Variants in ATPSCKMT observed in about 807,000 individuals in gnomAD.
The protein encoded by ATPSCKMT is ATP synthase c subunit lysine N-methyltransferase, also known as ATP synthase subunit C lysine N-methyltransferase.
In ATPSCKMT, 24 loss-of-function variants were observed where a neutral mutation model predicts 24.3. The ratio of observed to expected loss-of-function variants is 0.99; its 90% CI spans 0.71 to 1.39. The LOEUF is 1.39. Among genes scored for constraint, ATPSCKMT ranks in the 40% most tolerant of loss-of-function variants. The pLI is 0.00. For missense variants in ATPSCKMT, 311 were observed against 298.4 expected (o/e 1.04, Z -0.31); for synonymous variants, 95 against 110.5 (o/e 0.86, Z 0.88).
At chr5:10,239,679 G>A (rs2607321) in intron 1 of ATPSCKMT, among the ~76,000 whole-genome samples, 140,418 of 152,264 alleles carry the variant, frequency 0.92, 64,974 homozygotes, top group Middle Eastern at 0.99. Flanking sequence ...ATCCATTAGT[G>A]CAAGTTTTAA....
At chr5:10,227,961 C>T (rs901018584) in intron 4 of ATPSCKMT, among the ~76,000 whole-genome samples, 5 of 152,124 alleles carry the variant, frequency 3.3e-5, no homozygotes, top group African/African-American at 9.7e-5. Flanking sequence ...TTTTAAATAA[C>T]GCACTTCAAC....
At chr5:10,237,896 A>G (rs1744446354) in intron 2 of ATPSCKMT, among the ~76,000 whole-genome samples, 1 of 152,026 alleles carries the variant, frequency 6.6e-6, no homozygotes, top group South Asian at 2.1e-4. Flanking sequence ...ACACGCGTGC[A>G]CCATCATGCC....
At chr5:10,229,696 A>G (rs1744035795) in intron 4 of ATPSCKMT, among the ~76,000 whole-genome samples, 1 of 152,218 alleles carries the variant, frequency 6.6e-6, no homozygotes, top group Admixed American at 6.5e-5. Flanking sequence ...CGTAAGGAAC[A>G]GCTTTCCCCT....
chr5:10,246,861 A>G (rs571122296), intron 1 of ATPSCKMT, among the ~76,000 whole-genome samples: 61 of 152,350 alleles, frequency 4.0e-4, no homozygotes, highest in Admixed American at 3.1e-3. Context: ...AACACAAACA[A>G]AACGCTACAG....
At chr5:10,240,598 T>C (rs892798000) in intron 1 of ATPSCKMT, among the ~76,000 whole-genome samples, 1 of 152,080 alleles carries the variant, frequency 6.6e-6, no homozygotes, top group African/African-American at 2.4e-5. Flanking sequence ...ATTGTGAGGA[T>C]GAAATGAGTG....
Position 10,229,881 on chromosome 5 carries a change from G to C in ATPSCKMT, c.496-2234C>G, listed in dbSNP as rs188577818. ...CTTGCCGCTGGCTTCTCTGTCCTTT[G>C]GACATGCTGTTATCAAATACTGTGA... On this transcript the variant is annotated intron_variant, in intron 4 of 4. Coordinates refer to ENST00000511437, the MANE Select transcript of ATPSCKMT (RefSeq NM_199133.4). Among the ~76,000 whole-genome samples, 465 of 152,262 alleles carry C rather than the reference G, an allele frequency of 3.1e-3. 1 individual carries two copies. The highest frequency in any genetic ancestry group is 5.9e-3 in the Admixed American group (91 of 15,298).
intron 1 of ATPSCKMT, among the ~76,000 whole-genome samples, chr5:10,246,124 TG>T (rs1744911286): frequency 6.6e-6 from 1 of 152,088 alleles, no homozygotes; most frequent in African/African-American, 2.4e-5. Flanking sequence ...ATCTACTTTT[TG>T]TCTCAAGAAT....
chr5:10,228,037 G>T (rs971235236), intron 4 of ATPSCKMT, among the ~76,000 whole-genome samples: 2 of 152,122 alleles, frequency 1.3e-5, no homozygotes, highest in Non-Finnish European at 2.9e-5. Flanking sequence ...AGAGAGAGGG[G>T]TCTTGTTATG....
intron 4 of ATPSCKMT, among the ~76,000 whole-genome samples, chr5:10,230,317 A>G (rs1250550277): frequency 6.6e-6 from 1 of 152,194 alleles, no homozygotes; most frequent in East Asian, 1.9e-4. Flanking sequence ...ATAAGCAAAG[A>G]ATGAAACAAT....
intron 4 of ATPSCKMT, 88 bp from the exon 5 acceptor site, chr5:10,227,735 T>C (rs1390534633): frequency 1.6e-6 from 2 of 1,240,480 alleles, no homozygotes; most frequent in East Asian, 5.0e-5. Flanking sequence ...TCCCTGAAAA[T>C]ACCTGAGCAA....
chr5:10,231,364 C>T (rs1744127490), intron 4 of ATPSCKMT, among the ~76,000 whole-genome samples: 1 of 152,096 alleles, frequency 6.6e-6, no homozygotes, highest in South Asian at 2.1e-4. Context: ...TGTCTCCCAG[C>T]TTGTACCCAC....
At chr5:10,241,425 C>A (rs1363094726) in intron 1 of ATPSCKMT, among the ~76,000 whole-genome samples, 1 of 152,206 alleles carries the variant, frequency 6.6e-6, no homozygotes, top group African/African-American at 2.4e-5. Flanking sequence ...CCAAGACACA[C>A]AGAAAGCTGG....
In ATPSCKMT at chr5:10,226,970, T is replaced by C. The variant is rs1743907845; in HGVS notation, c.*471A>G. 1 of 160,164 alleles carries C rather than the reference T, an allele frequency of 6.2e-6. No homozygotes were observed. Among genetic ancestry groups the C allele is most frequent in the Non-Finnish European group, 1.4e-5 (1 of 72,614 alleles). 9.9% of individuals were successfully genotyped at this position (160,164 alleles called of 1,614,324 possible). On this transcript the variant is annotated 3_prime_UTR_variant, in exon 5 of 5. Transcript: ENST00000511437. ...TATTTCTAATAAATGTTATAAAATA[T>C]AAACGCCTCTCTGAATCCTTTAGAA...
chr5:10,239,313 A>C lies in ATPSCKMT; in HGVS notation c.60T>G (p.His20Gln), dbSNP rs574429873. Residue 20 changes from histidine to glutamine, a missense_variant, in exon 2 of 5, where the codon CAT becomes CAG. By Grantham distance (24) the His-to-Gln change is conservative. Coordinates refer to ENST00000511437, the MANE Select transcript of ATPSCKMT (RefSeq NM_199133.4). ...TGACTTCAAAACTTGCAGGTAGAAC[A>C]TGTCTTGACTGACTTTCTTCTTTAA... The part of the protein sequence containing the change: ...ETLKEESQSR[H>Q]VLPASFEVNS... 4 of 1,614,070 alleles carry C rather than the reference A, an allele frequency of 2.5e-6. No individual in the cohort carries two copies. The highest frequency in any genetic ancestry group is 3.4e-6 in the Non-Finnish European group (4 of 1,180,042).
Position 10,226,417 on chromosome 5 carries a change from G to A in ATPSCKMT, c.*1024C>T, listed in dbSNP as rs1561022889. On this transcript the variant is annotated 3_prime_UTR_variant, in exon 5 of 5. Transcript: ENST00000511437. ...ACAGTTTGGTATTTCAGTTACAGGTGTATGACTGGGAGTTCAATTCTTTTC... is the reference window on the plus strand; with the variant it reads ...ACAGTTTGGTATTTCAGTTACAGGTATATGACTGGGAGTTCAATTCTTTTC... The A allele has an allele frequency of 6.6e-6, 1 of 152,174 alleles. No homozygotes were observed. Among genetic ancestry groups the A allele is most frequent in the African/African-American group, 2.4e-5 (1 of 41,432 alleles). 9.4% of individuals were successfully genotyped at this position (152,174 alleles called of 1,614,324 possible). A position where few individuals can be genotyped will look rare whatever the true frequency, so the allele number is the denominator to read the frequency against.
intron 1 of ATPSCKMT, among the ~76,000 whole-genome samples, chr5:10,247,347 T>C (rs942541218): frequency 5.3e-5 from 8 of 152,310 alleles, no homozygotes; most frequent in African/African-American, 1.9e-4. Context: ...GAAAAACAAT[T>C]GATTCCTTTT....
chr5:10,236,849 G>A, intron 2 of ATPSCKMT: 1 of 1,472,262 alleles, frequency 6.8e-7, no homozygotes, highest in Non-Finnish European at 9.0e-7. Context: ...TCAAGTATCA[G>A]AATAGACATT....
intron 4 of ATPSCKMT, 97 bp downstream of exon 4, chr5:10,235,114 G>T (rs778212047): frequency 1.5e-5 from 15 of 1,025,484 alleles, no homozygotes; most frequent in Non-Finnish European, 1.6e-5. Flanking sequence ...ATCTCTGGGA[G>T]GCCATCACCC....
rs375793265 is a variant in ATPSCKMT at position 10,236,562 on chromosome 5, T to C, written c.360A>G (p.Pro120=). The C allele has an allele frequency of 3.7e-6, 6 of 1,614,214 alleles. No individual in the cohort carries two copies. The highest frequency in any genetic ancestry group is 5.1e-6 in the Non-Finnish European group (6 of 1,180,034). Residue 120 remains proline, a synonymous_variant, in exon 3 of 5, where the codon CCA becomes CCG. Coordinates refer to ENST00000511437, the MANE Select transcript of ATPSCKMT (RefSeq NM_199133.4). ...GFTAVGYELN[P]WLVWYSRYRA... ...GGTATCTGGAATACCAAACTAGCCA[T>C]GGGTTTAATTCATAACCAACTGCTG...
Sources: gnomAD v4.1 joint callset for allele counts (sites outside exome capture counted in the v4.1 genomes callset) on GRCh38, gnomAD v4.1.1 for gene constraint, MANE v1.5 for transcripts, NCBI Gene and HGNC (gene_info 2026-07-23, HGNC 2026-07-21) for gene names.